The following RBBP6 variants were observed in gnomAD, a reference collection of about 807,000 sequenced individuals.
RBBP6 encodes RB binding protein 6, ubiquitin ligase.
In RBBP6, 25 loss-of-function variants were observed where a neutral mutation model predicts 167.7. The ratio of observed to expected loss-of-function variants is 0.15; its 90% CI spans 0.11 to 0.21. RBBP6 has a LOEUF of 0.21. RBBP6 is among the 10% of genes least tolerant of loss of function. The pLI is 1.00. For synonymous variants in RBBP6, 789 were observed against 735.8 expected (o/e 1.07, Z -1.17); for missense variants, 1,868 against 2,134.2 (o/e 0.88, Z 2.46).
intron 9 of RBBP6, 33 bp from the exon 10 acceptor site, chr16:24,561,791 A>G (rs1567276632): frequency 1.9e-6 from 3 of 1,605,588 alleles, no homozygotes. Context: ...ACTGCATAAC[A>G]TTTTTCTGCA....
At chr16:24,542,866 T>C (rs942576298) in intron 1 of RBBP6, among the ~76,000 whole-genome samples, 20 of 152,220 alleles carry the variant, frequency 1.3e-4, no homozygotes, top group Non-Finnish European at 1.8e-4. Context: ...TGATACGTAA[T>C]TCAAACCCAG....
chr16:24,553,601 ACAT>A (rs908554163), intron 4 of RBBP6, 44 bp downstream of exon 4: 12 of 1,453,572 alleles, frequency 8.3e-6, no homozygotes, highest in Admixed American at 2.0e-5. Context: ...TTTTTTTCTA[ACAT>A]CATATTTTTT....
chr16:24,569,638 C>G lies in RBBP6; in HGVS notation c.2948C>G (p.Ala983Gly). Residue 983 changes from alanine (A) to glycine (G), a missense_variant, in exon 17 of 18, where the codon GCC (alanine) becomes GGC (glycine). This residue lies in a region of RBBP6 where 673 missense variants were observed against 691.5 expected (regional missense o/e 0.97). Coordinates refer to ENST00000319715, the MANE Select transcript of RBBP6 (RefSeq NM_006910.5). ...TTTGTTCTCCCAAGTAGAGATGATG[C>G]CACACCTGTTAGAGATGAACCAATG... is the stretch of plus-strand genomic sequence containing the variant. ...SLFVLPSRDD[A>G]TPVRDEPMDA... 6.2e-7 allele frequency: 1 copy of G among 1,612,734 alleles called. No homozygotes were observed. The highest frequency in any genetic ancestry group is 1.7e-5 in the Admixed American group (1 of 59,756).
chr16:24,565,005 A>G (rs2141474666), intron 14 of RBBP6, 140 bp downstream of exon 14: 2 of 1,338,456 alleles, frequency 1.5e-6, no homozygotes, highest in African/African-American at 1.5e-5. Context: ...AGTCCTGGGT[A>G]GTTGTCCTTA....
At chr16:24,555,169 AC>A (rs1898884493) in intron 4 of RBBP6, 1 of 153,236 alleles carries the variant, frequency 6.5e-6, no homozygotes, top group African/African-American at 2.4e-5. Flanking sequence ...AACTAACATC[AC>A]TACCTAAAGA....
Position 24,568,975 on chromosome 16 carries a change from C to T in RBBP6, c.2285C>T (p.Pro762Leu), listed in dbSNP as rs1452969213. 6.2e-7 allele frequency: 1 copy of T among 1,614,168 alleles called. No homozygotes were observed. The highest frequency in any genetic ancestry group is 8.5e-7 in the Non-Finnish European group (1 of 1,179,984). The stretch of plus-strand genomic sequence containing the variant: ...CATCGATCTAGGTCAAGGTCACCCC[C>T]TTACAGACGCTATCATTCACGATCA... ...GYHRSRSRSP[P>L]YRRYHSRSRS... is the part of the protein sequence containing the mutation. The change falls in exon 17 of 18, where the codon CCT becomes CTT. Residue 762 changes from proline (P) to leucine (L), a missense_variant. Coordinates refer to ENST00000319715, the MANE Select transcript of RBBP6 (RefSeq NM_006910.5).
Position 24,570,292 on chromosome 16 carries a change from CTT to C in RBBP6, c.3604_3605del (p.Leu1202LysfsTer31). The C allele has an allele frequency of 6.2e-7, 1 of 1,610,060 alleles. No homozygotes were observed. Among genetic ancestry groups the C allele is most frequent in the Non-Finnish European group, 8.5e-7 (1 of 1,179,182 alleles). ...AGGACCCCTGAAAAGGACAAAATTT[CTT>C]TAAGTGCGCCAGCCAAAAAAATCAA... On this transcript the variant is annotated frameshift_variant, in exon 17 of 18. Transcript: ENST00000319715. LOFTEE classifies it high-confidence loss of function.
chr16:24,550,306 A>G (rs1284702356), intron 3 of RBBP6, among the ~76,000 whole-genome samples: 1 of 151,048 alleles, frequency 6.6e-6, no homozygotes, highest in Non-Finnish European at 1.5e-5. Context: ...CTAAGATCAA[A>G]AGTCTTAGTG....
At chr16:24,565,848 C>G (rs1899182795) in intron 14 of RBBP6, among the ~76,000 whole-genome samples, 1 of 152,046 alleles carries the variant, frequency 6.6e-6, no homozygotes. Context: ...GGGAGGATTG[C>G]TTGAGGCCTG....
chr16:24,561,487 A>G, intron 8 of RBBP6, 125 bp from the exon 9 acceptor site: 1 of 777,530 alleles, frequency 1.3e-6, no homozygotes. Context: ...CTAAGAAATG[A>G]TTAGCACGAC....
intron 7 of RBBP6, among the ~76,000 whole-genome samples, chr16:24,556,843 T>G (rs1382782765): frequency 2.0e-5 from 3 of 152,206 alleles, no homozygotes; most frequent in Non-Finnish European, 4.4e-5. Flanking sequence ...CTGCATGATG[T>G]TGAGGCAAAT....
chr16:24,548,855 AT>A, intron 2 of RBBP6, 89 bp from the exon 3 acceptor site: 3 of 1,068,376 alleles, frequency 2.8e-6, no homozygotes, highest in Non-Finnish European at 4.1e-6. Context: ...GTTCCTAAAA[AT>A]GTATTATTGA....
chr16:24,572,521 G>A lies in RBBP6; in HGVS notation c.*76G>A, dbSNP rs1201954178. On this transcript the variant is annotated 3_prime_UTR_variant, in exon 18 of 18. Transcript: ENST00000319715. ...TTTGTTATAATGTAAAGAGATTCAA[G>A]CCTTGTAAATAATGACATGGAAGAC... is the stretch of plus-strand genomic sequence containing the variant. The A allele has an allele frequency of 1.4e-6, 2 of 1,445,480 alleles. No homozygotes were observed. Among genetic ancestry groups the A allele is most frequent in the Admixed American group, 5.7e-5 (2 of 34,868 alleles). 89.5% of individuals were successfully genotyped at this position (1,445,480 alleles called of 1,614,324 possible).
At chr16:24,551,517 T>C (rs1002546061) in intron 3 of RBBP6, among the ~76,000 whole-genome samples, 20 of 151,844 alleles carry the variant, frequency 1.3e-4, no homozygotes, top group African/African-American at 4.6e-4. Context: ...TAGTGATTAC[T>C]TGGTGGTAAA....
Position 24,566,442 on chromosome 16 carries a change from G to T in RBBP6, c.1590-701G>T, listed in dbSNP as rs116510894. Among the ~76,000 whole-genome samples the T allele has an allele frequency of 9.0e-3, 1,373 of 152,252 alleles. 23 individuals carry two copies. Among genetic ancestry groups the T allele is most frequent in the African/African-American group, 0.031 (1,307 of 41,538 alleles). ...TCCTCCCTCAAAAAAGAGGTTACAG[G>T]AGTTGGTTTTCCTTCATTTAAACTT... On this transcript the variant is annotated intron_variant, in intron 14 of 17. Transcript: ENST00000319715.
intron 1 of RBBP6, among the ~76,000 whole-genome samples, chr16:24,545,954 C>G (rs982910138): frequency 6.6e-6 from 1 of 152,112 alleles, no homozygotes; most frequent in African/African-American, 2.4e-5. Context: ...GAGCCAAGAA[C>G]CTGCTGATGA....
At chr16:24,558,922 TATTA>T (rs528684099) in intron 7 of RBBP6, among the ~76,000 whole-genome samples, 272 of 152,338 alleles carry the variant, frequency 1.8e-3, no homozygotes, top group African/African-American at 6.1e-3. Flanking sequence ...TATCTCATTT[TATTA>T]ATTATTTGTG....
At position 24,572,168 on chromosome 16, in the gene RBBP6, G is replaced by A. The variant is rs373314394; in HGVS notation, c.5102G>A (p.Ser1701Asn). 3 of 1,614,132 alleles carry A rather than the reference G, an allele frequency of 1.9e-6. No individual in the cohort carries two copies. The highest frequency in any genetic ancestry group is 2.5e-6 in the Non-Finnish European group (3 of 1,180,026). ...CACAGCAGCCCCAGCGTCAGCCCCA[G>A]CAGAAGCCACAGTCCTTCTGGAAGC... ...QSHSSPSVSP[S>N]RSHSPSGSQT... The change falls in exon 18 of 18, where the codon AGC (serine) becomes AAC (asparagine). Residue 1701 changes from serine (S) to asparagine (N), a missense_variant. By Grantham distance (46) the Ser-to-Asn change is conservative. This residue lies in a region of RBBP6 where 591 missense variants were observed against 540.5 expected (regional missense o/e 1.09). Coordinates refer to ENST00000319715, the MANE Select transcript of RBBP6 (RefSeq NM_006910.5).
intron 13 of RBBP6, among the ~76,000 whole-genome samples, chr16:24,564,111 G>A (rs912964895): frequency 6.6e-6 from 1 of 151,902 alleles, no homozygotes; most frequent in Non-Finnish European, 1.5e-5. Flanking sequence ...AAAATTTTTT[G>A]TCTGAAATCG....
Sources: gnomAD v4.1 joint callset for allele counts (sites outside exome capture counted in the v4.1 genomes callset) on GRCh38, gnomAD v4.1.1 for gene constraint, gnomAD v4.1.1 regional missense constraint, MANE v1.5 for transcripts, NCBI Gene and HGNC (gene_info 2026-07-23, HGNC 2026-07-21) for gene names.